Variants in METTL8 observed in about 807,000 individuals in gnomAD.
METTL8 encodes the protein methyltransferase 8, tRNA N3-cytidine, also known as tRNA N(3)-cytidine methyltransferase METTL8, mitochondrial.
A neutral mutation model predicts 48.7 loss-of-function variants in METTL8; 32 were observed. That is an observed-to-expected ratio of 0.66 (90% CI 0.50 to 0.88). The LOEUF (loss-of-function observed/expected upper bound fraction) is 0.88. Among genes scored for constraint, METTL8 ranks in the 40% least tolerant of loss-of-function variants. METTL8 has a pLI of 0.00. For synonymous variants in METTL8, 136 were observed against 157.1 expected, an observed-to-expected ratio of 0.87 and a Z score of 1.01; for missense variants, 464 against 474.4, an observed-to-expected ratio of 0.98 and a Z score of 0.20.
intron 2 of METTL8, among the ~76,000 whole-genome samples, chr2:171,381,316 T>G (rs1687512897): frequency 6.6e-6 from 1 of 152,106 alleles, no homozygotes; most frequent in Non-Finnish European, 1.5e-5. Flanking sequence ...GAAGAAAACC[T>G]AGGCAATACC....
intron 1 of METTL8, among the ~76,000 whole-genome samples, chr2:171,413,118 T>C (rs971419854): frequency 1.3e-5 from 2 of 152,300 alleles, no homozygotes; most frequent in Admixed American, 6.5e-5. Flanking sequence ...CAAAGTATAA[T>C]ACAAGACAGA....
intron 1 of METTL8, among the ~76,000 whole-genome samples, chr2:171,417,958 T>C (rs1691477993): frequency 6.6e-6 from 1 of 152,204 alleles, no homozygotes; most frequent in Non-Finnish European, 1.5e-5. Context: ...TGTCTTTTTT[T>C]TTTGAGATGG....
At chr2:171,359,248 A>C (rs1684909932) in intron 3 of METTL8, among the ~76,000 whole-genome samples, 1 of 152,182 alleles carries the variant, frequency 6.6e-6, no homozygotes, top group African/African-American at 2.4e-5. Context: ...GCCAACAGCT[A>C]TACGAAAAAA....
rs370506078 is a variant in METTL8, at chr2:171,360,484, T to C, written c.173A>G (p.Glu58Gly). 1 of 1,613,512 alleles carries C rather than the reference T, an allele frequency of 6.2e-7. No homozygotes were observed. Among genetic ancestry groups the C allele is most frequent in the Non-Finnish European group, 8.5e-7 (1 of 1,179,782 alleles). Residue 58 changes from glutamate to glycine, a missense_variant, in exon 3 of 10, where the codon GAA becomes GGA. Glu to Gly is a moderately conservative substitution (Grantham distance 98). Coordinates refer to ENST00000375258, the MANE Select transcript of METTL8 (RefSeq NM_001321154.2). Reference sequence around the variant, plus strand: ...TTTTACTTTTTTTCTGGCTGCTGCTTCTTCTTCCTTAGACCACTGCATGTG... The same window carrying C: ...TTTTACTTTTTTTCTGGCTGCTGCTCCTTCTTCCTTAGACCACTGCATGTG... Reference protein sequence around the residue: ...WDHMQWSKEEEAAARKKVKEN... With the variant: ...WDHMQWSKEEGAAARKKVKEN...
At chr2:171,354,510 T>C (rs1684305241) in intron 3 of METTL8, among the ~76,000 whole-genome samples, 1 of 152,200 alleles carries the variant, frequency 6.6e-6, no homozygotes, top group Non-Finnish European at 1.5e-5. Flanking sequence ...TGGCCTGCCT[T>C]GCTAGGTTGG....
intron 1 of METTL8, among the ~76,000 whole-genome samples, chr2:171,422,795 A>C (rs1034566000): frequency 1.3e-5 from 2 of 152,232 alleles, no homozygotes; most frequent in Non-Finnish European, 2.9e-5. Context: ...GCAAAAACTT[A>C]AGTCTGACAA....
At chr2:171,434,487 G>A (rs1475942535), upstream of METTL8, 1 of 1,519,738 alleles carries the variant, frequency 6.6e-7, no homozygotes, top group Non-Finnish European at 8.8e-7. Flanking sequence ...TCTGGGCCTC[G>A]AAATTCGAAG....
chr2:171,329,470 A>T (rs1685301615), intron 7 of METTL8, among the ~76,000 whole-genome samples: 1 of 152,236 alleles, frequency 6.6e-6, no homozygotes. Context: ...AGGAAACCAA[A>T]CACATAGATG....
At chr2:171,406,403 G>C (rs554144124) in intron 1 of METTL8, among the ~76,000 whole-genome samples, 1 of 152,284 alleles carries the variant, frequency 6.6e-6, no homozygotes, top group African/African-American at 2.4e-5. Context: ...CATAGACTAG[G>C]TTGCTTAAAC....
chr2:171,370,529 T>C (rs1559126540), intron 2 of METTL8, among the ~76,000 whole-genome samples: 1 of 152,134 alleles, frequency 6.6e-6, no homozygotes, highest in Non-Finnish European at 1.5e-5. Context: ...CGGTGGCTCA[T>C]GCCTGTAATC....
intron 3 of METTL8, among the ~76,000 whole-genome samples, chr2:171,357,963 T>C (rs1575825600): frequency 6.6e-6 from 1 of 152,154 alleles, no homozygotes; most frequent in African/African-American, 2.4e-5. Context: ...CCCAAAATGC[T>C]GGGATTACAA....
chr2:171,339,544 C>G lies in METTL8; in HGVS notation c.246G>C (p.Glu82Asp), dbSNP rs1439641407. ...TGTCCCAGTATTTACTAGCTTCTCT[C>G]TCATACTTAACTAAAATAAAGAGGA... is the stretch of plus-strand genomic sequence containing the variant. ...RVLLEEQVKY[E>D]REASKYWDTF... The change falls in exon 4 of 10, where the codon GAG (glutamate) becomes GAC (aspartate). Residue 82 changes from glutamate to aspartate, a missense_variant. By Grantham distance (45) the Glu-to-Asp change is conservative. Transcript: ENST00000375258. 6.6e-7 allele frequency: 1 copy of G among 1,504,596 alleles called. No individual in the cohort carries two copies. The highest frequency in any genetic ancestry group is 9.1e-7 in the Non-Finnish European group (1 of 1,102,886). 93.2% of individuals were successfully genotyped at this position (1,504,596 alleles called of 1,614,324 possible). A position where few individuals can be genotyped will look rare whatever the true frequency, so the allele number is the denominator to read the frequency against.
intron 5 of METTL8, 55 bp from the exon 6 acceptor site, chr2:171,331,922 G>T: frequency 7.6e-7 from 1 of 1,321,078 alleles, no homozygotes; most frequent in Non-Finnish European, 1.1e-6. Context: ...GTCTTGCGCT[G>T]TTGCCCAGGT....
chr2:171,387,681 T>A (rs1688209588), intron 2 of METTL8, among the ~76,000 whole-genome samples: 1 of 152,138 alleles, frequency 6.6e-6, no homozygotes, highest in South Asian at 2.1e-4. Context: ...TTATTTTTTG[T>A]ACTAAGTTTT....
chr2:171,344,521 A>C (rs1687081485), intron 3 of METTL8, among the ~76,000 whole-genome samples: 2 of 152,264 alleles, frequency 1.3e-5, no homozygotes, highest in South Asian at 4.1e-4. Context: ...TACATTGTAA[A>C]AATAATGCTG....
At chr2:171,434,601 C>T (rs1191856995), upstream of METTL8, 8 of 1,527,636 alleles carry the variant, frequency 5.2e-6, no homozygotes, top group Non-Finnish European at 7.0e-6. Flanking sequence ...GGAAGCCCAA[C>T]GTGTGCAGCC....
chr2:171,325,946 C>A, intron 8 of METTL8, 40 bp from the exon 9 acceptor site: 1 of 1,448,004 alleles, frequency 6.9e-7, no homozygotes, highest in Non-Finnish European at 9.5e-7. Flanking sequence ...TAAGGGTATT[C>A]CTTTAAAAAA....
intron 5 of METTL8, among the ~76,000 whole-genome samples, chr2:171,336,453 A>G (rs933951835): frequency 2.0e-4 from 27 of 131,774 alleles, no homozygotes; most frequent in East Asian, 4.5e-4. Context: ...CCAGGCTGGA[A>G]TGCAGTAGCG....
intron 2 of METTL8, among the ~76,000 whole-genome samples, chr2:171,361,373 GC>G (rs1449532064): frequency 1.3e-5 from 2 of 151,522 alleles, no homozygotes; most frequent in African/African-American, 4.9e-5. Flanking sequence ...GTTGCATTTA[GC>G]CTAGAAGAAA....
Sources: allele counts gnomAD v4.1 joint callset (sites outside exome capture counted in the v4.1 genomes callset), GRCh38; gene constraint gnomAD v4.1.1; transcripts MANE v1.5; gene names NCBI Gene and HGNC (gene_info 2026-07-23, HGNC 2026-07-21).